Variants in SLC39A10 observed in about 807,000 individuals in gnomAD.
SLC39A10 encodes zinc transporter ZIP10.
SLC39A10 carries 13 observed loss-of-function variants against 65.1 expected under a neutral mutation model. That is an observed-to-expected ratio of 0.20 (90% CI 0.13 to 0.32). The LOEUF (loss-of-function observed/expected upper bound fraction) is 0.32. SLC39A10 is among the 10% of genes least tolerant of loss of function. The pLI, the probability that SLC39A10 is intolerant of heterozygous loss-of-function variation, is 1.00. For synonymous variants in SLC39A10, 321 were observed against 342.2 expected (o/e 0.94, Z 0.68); for missense variants, 831 against 1,018.4 (o/e 0.82, Z 2.50).
intron 1 of SLC39A10, 21 bp from the exon 2 acceptor site, chr2:195,680,011 T>A: frequency 7.1e-6 from 11 of 1,540,942 alleles, no homozygotes; most frequent in Non-Finnish European, 9.6e-6. Context: ...AATACTTGTC[T>A]CTCTCTTTAA....
chr2:195,627,807 G>T (rs1238666866), intron 2 of SLC39A10, among the ~76,000 whole-genome samples: 4 of 152,120 alleles, frequency 2.6e-5, no homozygotes, highest in Non-Finnish European at 5.9e-5. Flanking sequence ...CAGCAAAAAA[G>T]CACTGAAGAG....
At chr2:195,686,209 A>G (rs1690517638) in intron 3 of SLC39A10, among the ~76,000 whole-genome samples, 1 of 152,200 alleles carries the variant, frequency 6.6e-6, no homozygotes, top group African/African-American at 2.4e-5. Context: ...AATAAGGTAG[A>G]CATCCCATTC....
In SLC39A10 at chr2:195,737,033, A is replaced by G. The variant is rs556229312; in HGVS notation, c.*1992A>G. On this transcript the variant is annotated 3_prime_UTR_variant, in exon 10 of 10. Transcript: ENST00000359634. ...GCTGGAATATACTCCCAGTTTTAAAATAAATGCCTGATTGATTTAAAGCAA... is the reference window on the plus strand; with the variant it reads ...GCTGGAATATACTCCCAGTTTTAAAGTAAATGCCTGATTGATTTAAAGCAA... The G allele has an allele frequency of 1.2e-4, 19 of 152,608 alleles. No homozygotes were observed. Among genetic ancestry groups the G allele is most frequent in the Admixed American group, 4.6e-4 (7 of 15,296 alleles). The allele number at this position is 152,608 out of a possible 1,614,324, so 9.5% of individuals were successfully genotyped here.
rs879395270 is a variant in SLC39A10 at position 195,728,974 on chromosome 2, CT to C, written c.2337+639del. Among the ~76,000 whole-genome samples the C allele has an allele frequency of 6.2e-3, 847 of 136,456 alleles. No individual in the cohort carries two copies. Among genetic ancestry groups the C allele is most frequent in the African/African-American group, 7.3e-3 (274 of 37,362 alleles). The allele number at this position is 136,456 out of a possible 152,430, so 89.5% of individuals were successfully genotyped here. A position where few individuals can be genotyped will look rare whatever the true frequency, so the allele number is the denominator to read the frequency against. ...CAGTCTTATTTCAAAATTATGCAGCCTTTTTTTTTTTTTTATGAGATAGGGT... is the reference window on the plus strand; with the variant it reads ...CAGTCTTATTTCAAAATTATGCAGCCTTTTTTTTTTTTTATGAGATAGGGT... On this transcript the variant is annotated intron_variant, in intron 9 of 9. Transcript: ENST00000359634. This position sits in a 1 kb window ranked among gnomAD's most constrained non-coding sequence, Gnocchi z 4.4.
intron 8 of SLC39A10, among the ~76,000 whole-genome samples, chr2:195,723,608 G>A (rs1692129205): frequency 6.6e-6 from 1 of 152,128 alleles, no homozygotes; most frequent in African/African-American, 2.4e-5. Flanking sequence ...ACTGTGGATG[G>A]ATGCAGAATT....
At chr2:195,622,552 C>G (rs925598341) in intron 2 of SLC39A10, among the ~76,000 whole-genome samples, 36 of 152,214 alleles carry the variant, frequency 2.4e-4, no homozygotes, top group Non-Finnish European at 4.9e-4. Flanking sequence ...AACACCAACA[C>G]TGTTACTAGT....
chr2:195,619,114 A>AAAAAGAG lies in SLC39A10; in HGVS notation c.-12+12882_-12+12883insAAAGAGA, dbSNP rs1553490931. Among the ~76,000 whole-genome samples the AAAAAGAG allele has an allele frequency of 4.1e-3, 537 of 131,838 alleles. 15 individuals carry two copies. Among genetic ancestry groups the AAAAAGAG allele is most frequent in the African/African-American group, 0.015 (479 of 31,464 alleles). 86.5% of individuals were successfully genotyped at this position (131,838 alleles called of 152,430 possible). A position where few individuals can be genotyped will look rare whatever the true frequency, so the allele number is the denominator to read the frequency against. On this transcript the variant is annotated intron_variant, in intron 2 of 2. Transcript: ENST00000458054. ...TCTCAAAAAAAAAAAAAAAAAAAAAAAGAGAGAGAGAGAAAGGAAAGAATA... is the reference window on the plus strand; with the variant it reads ...TCTCAAAAAAAAAAAAAAAAAAAAAAAAAAGAGAGAGAGAGAGAGAAAGGAAAGAATA...
In SLC39A10 at chr2:195,708,638, A is replaced by G; in HGVS notation, c.1387-18A>G. On this transcript the variant is annotated intron_variant, in intron 4 of 9. Coordinates refer to ENST00000359634, the MANE Select transcript of SLC39A10 (RefSeq NM_020342.3). ...TTTCAATTATTTGTTTAGAAGTTTTATTTGTTCTTATTAATAGTCTCAGGG... is the reference window on the plus strand; with the variant it reads ...TTTCAATTATTTGTTTAGAAGTTTTGTTTGTTCTTATTAATAGTCTCAGGG... 1 of 1,512,612 alleles carries G rather than the reference A, an allele frequency of 6.6e-7. No individual in the cohort carries two copies. Among genetic ancestry groups the G allele is most frequent in the Non-Finnish European group, 8.8e-7 (1 of 1,130,108 alleles). The allele number at this position is 1,512,612 out of a possible 1,614,324, so 93.7% of individuals were successfully genotyped here. A position where few individuals can be genotyped will look rare whatever the true frequency, so the allele number is the denominator to read the frequency against.
intron 4 of SLC39A10, among the ~76,000 whole-genome samples, chr2:195,707,102 A>G (rs16838973): frequency 0.036 from 5,451 of 152,224 alleles, 318 homozygotes; most frequent in African/African-American, 0.12. Flanking sequence ...AATGCATAAG[A>G]TATGTTGTAA....
chr2:195,629,111 G>A (rs1460675500), intron 2 of SLC39A10, among the ~76,000 whole-genome samples: 3 of 151,994 alleles, frequency 2.0e-5, no homozygotes, highest in Admixed American at 6.6e-5. Flanking sequence ...TATCCTTGCC[G>A]GGCACGGTGG....
At chr2:195,669,212 C>T (rs1689753560) in intron 1 of SLC39A10, among the ~76,000 whole-genome samples, 2 of 152,016 alleles carry the variant, frequency 1.3e-5, no homozygotes, top group Admixed American at 6.6e-5. Flanking sequence ...TTCACAATGT[C>T]TTGGTTTTTT....
intron 2 of SLC39A10, among the ~76,000 whole-genome samples, chr2:195,640,326 C>G (rs1207886795): frequency 7.0e-6 from 1 of 143,126 alleles, no homozygotes; most frequent in Non-Finnish European, 1.5e-5. Flanking sequence ...ATGAAAAGCC[C>G]TGAAGCATTA....
chr2:195,632,603 T>C (rs1461479216), intron 2 of SLC39A10, among the ~76,000 whole-genome samples: 1 of 152,172 alleles, frequency 6.6e-6, no homozygotes, highest in Non-Finnish European at 1.5e-5. Context: ...CCACCACACC[T>C]GGCTCTACTT....
intron 2 of SLC39A10, among the ~76,000 whole-genome samples, chr2:195,640,833 C>CGAGA (rs1427025748): frequency 6.6e-6 from 1 of 152,000 alleles, no homozygotes; most frequent in Non-Finnish European, 1.5e-5. Context: ...GCAAAAAAAG[C>CGAGA]GAGAGAGAGT....
Position 195,735,265 on chromosome 2 carries a change from G to A in SLC39A10, c.*224G>A. The A allele has an allele frequency of 2.7e-6, 1 of 365,958 alleles. No homozygotes were observed. Among genetic ancestry groups the A allele is most frequent in the Admixed American group, 4.6e-5 (1 of 21,734 alleles). 22.7% of individuals were successfully genotyped at this position (365,958 alleles called of 1,614,324 possible). On this transcript the variant is annotated 3_prime_UTR_variant, in exon 10 of 10. Coordinates refer to ENST00000359634, the MANE Select transcript of SLC39A10 (RefSeq NM_020342.3). ...CTTGTGATAAAGAGAGGAGAATATGGGACTCCATGAACCAGTGTTGATATG... is the reference window on the plus strand; with the variant it reads ...CTTGTGATAAAGAGAGGAGAATATGAGACTCCATGAACCAGTGTTGATATG...
chr2:195,648,194 C>T lies in SLC39A10; in HGVS notation c.-11-31838C>T, dbSNP rs559658532. Among the ~76,000 whole-genome samples, 8 of 152,072 alleles carry T rather than the reference C, an allele frequency of 5.3e-5. No homozygotes were observed. In the East Asian group the frequency reaches 7.7e-4, roughly 15 times the overall value. Reference sequence around the variant, plus strand: ...CAATTTTTTTGTACAGAAGAGGTCTCGCTATGTTGTCCAGACTGGTCTTGA... The same window carrying T: ...CAATTTTTTTGTACAGAAGAGGTCTTGCTATGTTGTCCAGACTGGTCTTGA... On this transcript the variant is annotated intron_variant, in intron 2 of 2. Transcript: ENST00000458054.
At chr2:195,625,027 G>C (rs890594331) in intron 2 of SLC39A10, among the ~76,000 whole-genome samples, 1 of 150,070 alleles carries the variant, frequency 6.7e-6, no homozygotes. Context: ...GACCAGCCTG[G>C]ACAACATGGT....
intron 1 of SLC39A10, among the ~76,000 whole-genome samples, chr2:195,662,589 A>G (rs541926324): frequency 2.6e-5 from 4 of 152,230 alleles, no homozygotes; most frequent in African/African-American, 9.6e-5. Context: ...TATTACTTTA[A>G]TATCTATAAA....
intron 1 of SLC39A10, chr2:195,670,448 A>G (rs941886147): frequency 2.0e-5 from 3 of 152,104 alleles, no homozygotes; most frequent in Admixed American, 6.5e-5. Context: ...TATTTTTTCA[A>G]TCTTGGTGTA....
Sources: gnomAD v4.1 joint callset for allele counts (sites outside exome capture counted in the v4.1 genomes callset) on GRCh38, gnomAD v4.1.1 for gene constraint, Gnocchi (gnomAD v3.1) non-coding constraint, MANE v1.5 for transcripts, NCBI Gene and HGNC (gene_info 2026-07-23, HGNC 2026-07-21) for gene names.